DDHD1: variants seen among roughly 807,000 people sequenced by gnomAD.
DDHD1 encodes DDHD domain containing 1.
Under a neutral mutation model 96.4 loss-of-function variants are expected in DDHD1, and 49 were observed. That is an observed-to-expected ratio of 0.51 (90% confidence interval 0.40 to 0.64). DDHD1 has a LOEUF of 0.64. Among genes scored for constraint, DDHD1 ranks in the 30% least tolerant of loss-of-function variants. DDHD1 has a pLI of 0.00. For missense variants in DDHD1, 1,106 were observed against 1,161.2 expected (o/e 0.95, Z 0.69); for synonymous variants, 442 against 446.5 (o/e 0.99, Z 0.13).
At chr14:53,114,340 T>C (rs1247001108) in intron 1 of DDHD1, among the ~76,000 whole-genome samples, 1 of 152,180 alleles carries the variant, frequency 6.6e-6, no homozygotes, top group Non-Finnish European at 1.5e-5. Context: ...AAGACAGCAG[T>C]TGATACTGAC....
chr14:53,110,938 C>T (rs1444064313), intron 1 of DDHD1, among the ~76,000 whole-genome samples: 3 of 152,114 alleles, frequency 2.0e-5, no homozygotes, highest in Admixed American at 6.5e-5. Context: ...ATCACACCAT[C>T]GCACCTGCAC....
rs1891509468 is a variant in DDHD1, at chr14:53,152,589, C to G, written c.510G>C (p.Trp170Cys). Residue 170 changes from tryptophan (W) to cysteine (C), a missense_variant, in exon 1 of 13, where the codon TGG becomes TGC. By Grantham distance (215) the Trp-to-Cys change is radical. Around this residue, in one of 2 missense-constraint regions of DDHD1, gnomAD observed 456 missense variants for 402.4 expected, o/e 1.13. Transcript: ENST00000673822. ...AGGTCTTCTTGTCCTCCTTGTAGAA[C>G]CAGCGTACCTCCTCCGGGCCCAGCT... ...VTELGPEEVRWFYKEDKKTWK... is the reference protein window; with the variant it reads ...VTELGPEEVRCFYKEDKKTWK... The G allele has an allele frequency of 6.2e-7, 1 of 1,613,888 alleles. No individual in the cohort carries two copies. The highest frequency in any genetic ancestry group is 8.5e-7 in the Non-Finnish European group (1 of 1,179,958).
At chr14:53,152,121 C>G in intron 1 of DDHD1, 140 bp downstream of exon 1, 123 of 854,388 alleles carry the variant, frequency 1.4e-4, no homozygotes, top group Admixed American at 8.7e-4. Flanking sequence ...ACGCTCCCTG[C>G]TCAATCTCCA....
chr14:53,078,421 A>G (rs1566544069), intron 4 of DDHD1, among the ~76,000 whole-genome samples: 1 of 152,122 alleles, frequency 6.6e-6, no homozygotes, highest in Non-Finnish European at 1.5e-5. Context: ...TGTATATCCT[A>G]TTTCGACAAA....
intron 1 of DDHD1, among the ~76,000 whole-genome samples, chr14:53,106,711 C>G (rs1414652592): frequency 6.6e-6 from 1 of 152,062 alleles, no homozygotes; most frequent in East Asian, 1.9e-4. Context: ...ATAATATAAT[C>G]TTTTTTCCCC....
chr14:53,051,764 C>A (rs1399865793), intron 12 of DDHD1, 80 bp downstream of exon 12: 2 of 1,157,948 alleles, frequency 1.7e-6, no homozygotes, highest in Non-Finnish European at 2.5e-6. Flanking sequence ...AAGAACTGAT[C>A]CAATTTTTCA....
chr14:53,080,490 T>C (rs1885367829), intron 4 of DDHD1, among the ~76,000 whole-genome samples: 1 of 152,240 alleles, frequency 6.6e-6, no homozygotes, highest in Non-Finnish European at 1.5e-5. Context: ...CGATTTTACA[T>C]ATTAAGAATC....
intron 6 of DDHD1, among the ~76,000 whole-genome samples, chr14:53,068,305 G>A (rs1884222504): frequency 7.0e-6 from 1 of 142,632 alleles, no homozygotes. Flanking sequence ...GTACAGTGGT[G>A]TGAGAACAGC....
chr14:53,103,472 CACTT>C (rs1456411108), intron 2 of DDHD1: 7 of 457,834 alleles, frequency 1.5e-5, no homozygotes, highest in African/African-American at 6.1e-5. Flanking sequence ...AATATCATGA[CACTT>C]ACCATACATA....
At chr14:53,056,041 C>T (rs1883027207) in intron 9 of DDHD1, 129 bp from the exon 10 acceptor site, 1 of 734,390 alleles carries the variant, frequency 1.4e-6, no homozygotes, top group African/African-American at 1.8e-5. Context: ...AAAACAATAG[C>T]TATTTCAAAC....
intron 4 of DDHD1, among the ~76,000 whole-genome samples, chr14:53,088,003 T>TA (rs1289164075): frequency 2.0e-5 from 3 of 151,922 alleles, no homozygotes; most frequent in Non-Finnish European, 4.4e-5. Flanking sequence ...CCCACAGAAA[T>TA]ACAACAAACT....
In DDHD1 at chr14:53,046,775, GGATC is replaced by G; in HGVS notation, c.2692_2695del (p.Asp898GlnfsTer6). On this transcript the variant is annotated frameshift_variant, in exon 13 of 13. Transcript: ENST00000673822. LOFTEE classifies it high-confidence loss of function. ...CATGTCCTTCAAGAGAGTTCAGATTGGATCTAAATTGGGTTTTGCATCATCATCG... is the reference window on the plus strand; with the variant it reads ...CATGTCCTTCAAGAGAGTTCAGATTGTAAATTGGGTTTTGCATCATCATCG... 6.3e-7 allele frequency: 1 copy of G among 1,597,152 alleles called. No homozygotes were observed. Among genetic ancestry groups the G allele is most frequent in the Non-Finnish European group, 8.5e-7 (1 of 1,172,490 alleles).
intron 6 of DDHD1, among the ~76,000 whole-genome samples, chr14:53,068,973 G>T (rs908683132): frequency 2.0e-5 from 3 of 152,170 alleles, no homozygotes; most frequent in African/African-American, 7.2e-5. Context: ...TCTACTGTAA[G>T]CAAGGATTCT....
At chr14:53,102,304 C>A (rs1887362012) in intron 2 of DDHD1, among the ~76,000 whole-genome samples, 1 of 151,962 alleles carries the variant, frequency 6.6e-6, no homozygotes, top group African/African-American at 2.4e-5. Context: ...ATAAGGAGAA[C>A]AAAGTATTAC....
intron 1 of DDHD1, among the ~76,000 whole-genome samples, chr14:53,108,788 G>A (rs28673630): frequency 0.031 from 4,707 of 152,076 alleles, 242 homozygotes; most frequent in African/African-American, 0.1. Flanking sequence ...TTCTTTTCAT[G>A]TCAGAGTTTA....
At position 53,113,390 on chromosome 14, in the gene DDHD1, C is replaced by CA. The variant is rs60704615; in HGVS notation, c.839-9535dup. Among the ~76,000 whole-genome samples the CA allele has an allele frequency of 7.2e-3, 841 of 117,542 alleles. 6 individuals carry two copies. The highest frequency in any genetic ancestry group is 0.018 in the African/African-American group (462 of 25,372). The allele number at this position is 117,542 out of a possible 152,430, so 77.1% of individuals were successfully genotyped here. A position where few individuals can be genotyped will look rare whatever the true frequency, so the allele number is the denominator to read the frequency against. ...TAAAAAAAAAAACCCCTGTACAAGC[C>CA]AAAAAAAAAAAAAAAAAAAAAAAGT... On this transcript the variant is annotated intron_variant, in intron 1 of 12. Transcript: ENST00000673822.
chr14:53,102,542 A>C (rs1887381978), intron 2 of DDHD1, among the ~76,000 whole-genome samples: 1 of 152,092 alleles, frequency 6.6e-6, no homozygotes, highest in African/African-American at 2.4e-5. Flanking sequence ...AGAAGTCACA[A>C]GTTTCCTCAG....
In DDHD1 at chr14:53,055,958, A is replaced by G. The variant is rs370304317; in HGVS notation, c.1993-46T>C. 1.2e-4 allele frequency: 185 copies of G among 1,532,432 alleles called. 1 individual carries two copies. In the East Asian group the frequency reaches 1.9e-3, roughly 16 times the overall value. The allele number at this position is 1,532,432 out of a possible 1,614,324, so 94.9% of individuals were successfully genotyped here. On this transcript the variant is annotated intron_variant, in intron 9 of 12. Transcript: ENST00000673822. The stretch of plus-strand genomic sequence containing the variant: ...TCAAAGAAACACAGTGTTAAATCAC[A>G]ATGCTTGGATTTTAGTAAACTGTTC...
At chr14:53,137,592 A>AAAAAATAAAAAT (rs539044681) in intron 1 of DDHD1, among the ~76,000 whole-genome samples, 2 of 151,934 alleles carry the variant, frequency 1.3e-5, no homozygotes, top group African/African-American at 4.8e-5. Context: ...ACTCTTTCTC[A>AAAAAATAAAAAT]AAAAATAAAA....
Sources: gnomAD v4.1 joint callset for allele counts (sites outside exome capture counted in the v4.1 genomes callset) on GRCh38, gnomAD v4.1.1 for gene constraint, gnomAD v4.1.1 regional missense constraint, MANE v1.5 for transcripts, NCBI Gene and HGNC (gene_info 2026-07-23, HGNC 2026-07-21) for gene names.